The following SKIC3 variants were observed in gnomAD, a reference collection of about 807,000 sequenced individuals.
SKIC3 encodes the protein superkiller complex protein 3.
chr5:95,528,785 G>T, the SKIC3 span: 5 of 549,186 alleles, frequency 9.1e-6, no homozygotes, highest in Non-Finnish European at 1.6e-5. Flanking sequence ...TCCAAATGCA[G>T]GAAAATTTTG....
chr5:95,502,885 A>C, the SKIC3 span: 1 of 1,613,608 alleles, frequency 6.2e-7, no homozygotes, highest in African/African-American at 1.3e-5. Context: ...CATACCATTT[A>C]AATAGCAATG....
chr5:95,495,963 AGAC>A, the SKIC3 span, among the ~76,000 whole-genome samples: 1 of 152,194 alleles, frequency 6.6e-6, no homozygotes, highest in East Asian at 1.9e-4. Context: ...GAATTCAGAG[AGAC>A]AAGTGAGCAA....
the SKIC3 span, chr5:95,529,409 T>G: frequency 2.5e-5 from 10 of 405,506 alleles, no homozygotes; most frequent in South Asian, 4.5e-5. Flanking sequence ...AAAATTCCCC[T>G]GCTAAAAATC....
chr5:95,520,916 T>C, the SKIC3 span: 1 of 887,204 alleles, frequency 1.1e-6, no homozygotes, highest in East Asian at 2.6e-5. Flanking sequence ...TAAAGCACTT[T>C]CCAGAAAATA....
chr5:95,466,345 TG>T, the SKIC3 span, among the ~76,000 whole-genome samples: 1 of 152,196 alleles, frequency 6.6e-6, no homozygotes, highest in Admixed American at 6.5e-5. Flanking sequence ...ATTAGGATTC[TG>T]TTACCTCTAA....
At chr5:95,468,110 AT>A in the SKIC3 span, 2 of 1,269,832 alleles carry the variant, frequency 1.6e-6, no homozygotes, top group Non-Finnish European at 2.2e-6. Flanking sequence ...TCTGATTATG[AT>A]TTTTTAATTC....
chr5:95,508,105 C>G, the SKIC3 span, among the ~76,000 whole-genome samples: 1 of 152,100 alleles, frequency 6.6e-6, no homozygotes, highest in Non-Finnish European at 1.5e-5. Context: ...TTTCCATACA[C>G]ACCTGGAAAA....
the SKIC3 span, among the ~76,000 whole-genome samples, chr5:95,496,010 ATTTC>A: frequency 2.5e-3 from 376 of 151,766 alleles, 5 homozygotes; most frequent in East Asian, 0.043. Context: ...AATGCTAACA[ATTTC>A]TTTCTTTTTT....
At chr5:95,498,467 CTT>C in the SKIC3 span, 11 of 1,614,000 alleles carry the variant, frequency 6.8e-6, no homozygotes, top group East Asian at 2.0e-4. Flanking sequence ...TAATTACTGT[CTT>C]TGTGTTTGAT....
At chr5:95,492,662 A>AAAAAAAAAAAAAAAAAAAAAAAAAAAAC in the SKIC3 span, among the ~76,000 whole-genome samples, 1 of 125,264 alleles carries the variant, frequency 8.0e-6, no homozygotes, top group East Asian at 2.2e-4. Context: ...GAAAAAAAAA[A>AAAAAAAAAAAAAAAAAAAAAAAAAAAAC]AAAAAAAAAA....
chr5:95,543,368 C>A, the SKIC3 span: 1 of 1,603,272 alleles, frequency 6.2e-7, no homozygotes. Context: ...AGTAAATTTT[C>A]GAAGCAAATG....
chr5:95,539,023 G>T, the SKIC3 span, among the ~76,000 whole-genome samples: 1 of 152,146 alleles, frequency 6.6e-6, no homozygotes, highest in Non-Finnish European at 1.5e-5. Flanking sequence ...CTGATACCAT[G>T]AGTACCAATT....
At chr5:95,486,410 C>T in the SKIC3 span, among the ~76,000 whole-genome samples, 1 of 152,338 alleles carries the variant, frequency 6.6e-6, no homozygotes, top group Admixed American at 6.5e-5. Context: ...TGAGGCATCA[C>T]TGAAGGCTGC....
the SKIC3 span, among the ~76,000 whole-genome samples, chr5:95,472,700 T>C: frequency 1.3e-5 from 2 of 152,008 alleles, no homozygotes; most frequent in Non-Finnish European, 2.9e-5. Flanking sequence ...GCTCCATGGG[T>C]ATATTGCACC....
chr5:95,482,628 A>T, the SKIC3 span: 4 of 1,613,822 alleles, frequency 2.5e-6, no homozygotes, highest in Non-Finnish European at 3.4e-6. Flanking sequence ...TTACTTTTTA[A>T]ATTCTAGAAA....
the SKIC3 span, chr5:95,495,169 T>G: frequency 1.5e-6 from 1 of 682,576 alleles, no homozygotes; most frequent in Non-Finnish European, 2.5e-6. Flanking sequence ...TATCAATTTA[T>G]TATTGTTGTT....
chr5:95,537,283 A>G, the SKIC3 span: 3 of 751,934 alleles, frequency 4.0e-6, no homozygotes, highest in East Asian at 5.5e-5. Context: ...CAACGAGGAA[A>G]AAAATGTACA....
chr5:95,498,988 G>A, the SKIC3 span, among the ~76,000 whole-genome samples: 59 of 152,036 alleles, frequency 3.9e-4, no homozygotes, highest in Non-Finnish European at 5.3e-4. Flanking sequence ...AGCAATTTAC[G>A]TAAAGAGTCA....
chr5:95,502,110 C>T, the SKIC3 span, among the ~76,000 whole-genome samples: 1 of 152,082 alleles, frequency 6.6e-6, no homozygotes, highest in Non-Finnish European at 1.5e-5. Context: ...CCATCTCCAT[C>T]CCCCCACCTT....
Sources: allele counts gnomAD v4.1 joint callset (sites outside exome capture counted in the v4.1 genomes callset), GRCh38; gene constraint gnomAD v4.1.1; transcripts MANE v1.5; gene names NCBI Gene and HGNC (gene_info 2026-07-23, HGNC 2026-07-21).